STARD9: variants seen among roughly 807,000 people sequenced by gnomAD.
The protein encoded by STARD9 is StAR related lipid transfer domain containing 9, also known as stAR-related lipid transfer protein 9.
In STARD9, 346 loss-of-function variants were observed where a neutral mutation model predicts 399.8. That is an observed-to-expected ratio of 0.87 (90% CI 0.79 to 0.95). STARD9 has a LOEUF of 0.95. STARD9 is among the 40% of genes least tolerant of loss of function. The probability of loss-of-function intolerance (pLI) is 0.00; values close to 1 mark genes in which losing one functional copy is unlikely to be tolerated. For synonymous variants in STARD9, 2,203 were observed against 2,143.5 expected (o/e 1.03, Z -0.77); for missense variants, 5,832 against 5,667.5 (o/e 1.03, Z -0.93).
In STARD9 at chr15:42,692,149, C is replaced by G. The variant is rs767843713; in HGVS notation, c.10571C>G (p.Pro3524Arg). 6.5e-7 allele frequency: 1 copy of G among 1,537,054 alleles called. No individual in the cohort carries two copies. The highest frequency in any genetic ancestry group is 1.4e-5 in the African/African-American group (1 of 73,020). The change falls in exon 23 of 33, where the codon CCT becomes CGT. Residue 3524 changes from proline (P) to arginine (R), a missense_variant. This residue lies in a region of STARD9 where 5,828 missense variants were observed against 5,651.1 expected (regional missense o/e 1.03). Coordinates refer to ENST00000290607, the MANE Select transcript of STARD9 (RefSeq NM_020759.3). ...AATGGCCTAGAAGACCAGAACTCCCCTTTCCACTCCCACCTCAGCACTTAC... is the reference window on the plus strand; with the variant it reads ...AATGGCCTAGAAGACCAGAACTCCCGTTTCCACTCCCACCTCAGCACTTAC... ...MDNGLEDQNSPFHSHLSTYAN... is the reference protein window; with the variant it reads ...MDNGLEDQNSRFHSHLSTYAN...
At chr15:42,676,981 G>T (rs929766780) in intron 20 of STARD9, among the ~76,000 whole-genome samples, 1 of 151,696 alleles carries the variant, frequency 6.6e-6, no homozygotes, top group East Asian at 1.9e-4. Flanking sequence ...GGCTGGGCAC[G>T]GTGGCTCCTG....
Position 42,697,880 on chromosome 15 carries a change from T to C in STARD9, c.13284+2000T>C, listed in dbSNP as rs78081991. On this transcript the variant is annotated intron_variant, in intron 26 of 32. Coordinates refer to ENST00000290607, the MANE Select transcript of STARD9 (RefSeq NM_020759.3). ...AGGGGTACTCAACCTGTAAAAGGGA[T>C]ACAGGGAAATACCCATCCCCGCCCT... Among the ~76,000 whole-genome samples, 1,217 of 152,270 alleles carry C rather than the reference T, an allele frequency of 8.0e-3. 27 individuals are homozygous for C. Among genetic ancestry groups the C allele is most frequent in the African/African-American group, 0.028 (1,145 of 41,530 alleles).
At chr15:42,713,484 G>A (rs143824062) in intron 26 of STARD9, among the ~76,000 whole-genome samples, 15 of 152,296 alleles carry the variant, frequency 9.8e-5, no homozygotes, top group Non-Finnish European at 2.2e-4. Context: ...ATTTGAGGAG[G>A]AAGGTATCCA....
Position 42,687,891 on chromosome 15 carries a change from G to A in STARD9, c.6313G>A (p.Gly2105Arg). 1 of 1,537,210 alleles carries A rather than the reference G, an allele frequency of 6.5e-7. No homozygotes were observed. The highest frequency in any genetic ancestry group is 2.4e-5 in the East Asian group (1 of 40,912). The stretch of plus-strand genomic sequence containing the variant: ...CCATGCCTTTAGGCCAGACAGCTCT[G>A]GAAACCCTTTGCCCTCTAAGGATCA... ...TDHAFRPDSSGNPLPSKDQPS... is the reference protein window; with the variant it reads ...TDHAFRPDSSRNPLPSKDQPS... The change falls in exon 23 of 33, where the codon GGA becomes AGA. Residue 2105 changes from glycine to arginine, a missense_variant. Coordinates refer to ENST00000290607, the MANE Select transcript of STARD9 (RefSeq NM_020759.3).
intron 3 of STARD9, among the ~76,000 whole-genome samples, chr15:42,587,362 C>T (rs1392065216): frequency 6.6e-6 from 1 of 152,116 alleles, no homozygotes; most frequent in Non-Finnish European, 1.5e-5. Context: ...AGACCGTAGA[C>T]CACTGTGGGA....
intron 26 of STARD9, among the ~76,000 whole-genome samples, chr15:42,708,558 T>C (rs1001752067): frequency 4.6e-5 from 7 of 152,246 alleles, no homozygotes; most frequent in Non-Finnish European, 7.3e-5. Flanking sequence ...TTCTAACTTA[T>C]TCATTTCTGT....
intron 3 of STARD9, among the ~76,000 whole-genome samples, chr15:42,625,645 C>CTT (rs757765153): frequency 4.1e-5 from 1 of 24,282 alleles, no homozygotes; most frequent in Non-Finnish European, 8.9e-5. Context: ...TTTCTTCTTC[C>CTT]TATTTTTTTT....
chr15:42,668,395 A>C (rs923330661), intron 15 of STARD9, among the ~76,000 whole-genome samples: 1 of 142,124 alleles, frequency 7.0e-6, no homozygotes, highest in Non-Finnish European at 1.5e-5. Flanking sequence ...TTTTTTTCTG[A>C]GCTTCCTCAG....
intron 15 of STARD9, among the ~76,000 whole-genome samples, chr15:42,666,168 C>A (rs1469122158): frequency 6.6e-6 from 1 of 152,190 alleles, no homozygotes; most frequent in Non-Finnish European, 1.5e-5. Context: ...AATAGGTGCT[C>A]AGCATGATGC....
At chr15:42,682,791 CCT>C (rs2060462968) in intron 22 of STARD9, among the ~76,000 whole-genome samples, 2 of 152,162 alleles carry the variant, frequency 1.3e-5, no homozygotes, top group East Asian at 1.9e-4. Context: ...TTCCTTACCC[CCT>C]GAGTAGCAAT....
Position 42,685,266 on chromosome 15 carries a change from A to T in STARD9, c.3688A>T (p.Ile1230Leu). The T allele has an allele frequency of 6.5e-7, 1 of 1,537,568 alleles. No homozygotes were observed. Among genetic ancestry groups the T allele is most frequent in the Non-Finnish European group, 8.7e-7 (1 of 1,146,980 alleles). The part of the protein sequence containing the change: ...EEPFPGSADE[I>L]PTETFWHLED... ...ACCTTTCCCTGGTTCAGCTGACGAG[A>T]TACCCACAGAGACTTTTTGGCACCT... The change falls in exon 23 of 33, where the codon ATA becomes TTA. Residue 1230 changes from isoleucine (I) to leucine (L), a missense_variant. Physicochemically the swap from Ile to Leu is conservative, Grantham distance 5 (BLOSUM62 2). Coordinates refer to ENST00000290607, the MANE Select transcript of STARD9 (RefSeq NM_020759.3).
At chr15:42,660,294 G>A (rs2059968514) in intron 9 of STARD9, among the ~76,000 whole-genome samples, 1 of 152,156 alleles carries the variant, frequency 6.6e-6, no homozygotes, top group Non-Finnish European at 1.5e-5. Context: ...GGTCGGTGCA[G>A]TGGCTCATGC....
At chr15:42,662,733 A>G in intron 10 of STARD9, 61 bp from the exon 11 acceptor site, 1 of 1,083,686 alleles carries the variant, frequency 9.2e-7, no homozygotes. Flanking sequence ...ATTTTTCAAC[A>G]GCATTGTAAA....
At chr15:42,597,344 G>A (rs1022668653) in intron 3 of STARD9, among the ~76,000 whole-genome samples, 1 of 152,082 alleles carries the variant, frequency 6.6e-6, no homozygotes, top group Non-Finnish European at 1.5e-5. Context: ...ATAAGCCACC[G>A]CACCTGGTGC....
At chr15:42,626,264 CTCTTCCTCCTCCTCT>C (rs1226928130) in intron 3 of STARD9, among the ~76,000 whole-genome samples, 2 of 149,388 alleles carry the variant, frequency 1.3e-5, no homozygotes, top group African/African-American at 4.9e-5. Context: ...CTTCCTCTTC[CTCTTCCTCCTCCTCT>C]TCCTCCTCTT....
At chr15:42,589,113 C>G (rs2058344825) in intron 3 of STARD9, among the ~76,000 whole-genome samples, 1 of 152,110 alleles carries the variant, frequency 6.6e-6, no homozygotes, top group Non-Finnish European at 1.5e-5. Flanking sequence ...CCACATCCAG[C>G]TCTCCACAGC....
intron 8 of STARD9, among the ~76,000 whole-genome samples, chr15:42,651,857 C>G (rs2059768754): frequency 6.6e-6 from 1 of 152,128 alleles, no homozygotes; most frequent in Admixed American, 6.5e-5. Flanking sequence ...AGATTTTGGC[C>G]CTTTTCTTCA....
rs8036993 is a variant in STARD9 at position 42,718,689 on chromosome 15, G to A, written c.13843-63G>A. On this transcript the variant is annotated intron_variant, in intron 31 of 32. Transcript: ENST00000290607. ...TTGCCTTTCACCATACTGTCTACAC[G>A]GGAGCCTGTTCCTGTTTTGTCCACA... 1,023 of 1,509,160 alleles carry A rather than the reference G, an allele frequency of 6.8e-4. 5 individuals are homozygous for A. The African/African-American group carries it at 0.01, about 15-fold the overall frequency. 93.5% of individuals were successfully genotyped at this position (1,509,160 alleles called of 1,614,324 possible). A position where few individuals can be genotyped will look rare whatever the true frequency, so the allele number is the denominator to read the frequency against.
chr15:42,659,572 C>G (rs963970458), intron 9 of STARD9, among the ~76,000 whole-genome samples: 2 of 152,194 alleles, frequency 1.3e-5, no homozygotes, highest in Non-Finnish European at 2.9e-5. Flanking sequence ...GTTGCCCAGG[C>G]TGGAGGGGCA....
Sources: gnomAD v4.1 joint callset for allele counts (sites outside exome capture counted in the v4.1 genomes callset) on GRCh38, gnomAD v4.1.1 for gene constraint, gnomAD v4.1.1 regional missense constraint, MANE v1.5 for transcripts, NCBI Gene and HGNC (gene_info 2026-07-23, HGNC 2026-07-21) for gene names.